Variants in TPST1 observed in about 807,000 individuals in gnomAD.
TPST1 encodes protein-tyrosine sulfotransferase 1.
TPST1 carries 20 observed loss-of-function variants against 34.8 expected under a neutral mutation model. That is an observed-to-expected ratio of 0.57 (90% CI 0.40 to 0.84). The LOEUF (loss-of-function observed/expected upper bound fraction) is 0.84. Ranked by LOEUF, TPST1 falls within the 40% of genes least tolerant of loss-of-function variation. The pLI, the probability that TPST1 is intolerant of heterozygous loss-of-function variation, is 0.00. For synonymous variants in TPST1, 152 were observed against 159.4 expected (o/e 0.95, Z 0.35); for missense variants, 353 against 455.5 (o/e 0.78, Z 2.05).
At chr7:66,336,033 A>G (rs1026180619) in intron 3 of TPST1, among the ~76,000 whole-genome samples, 2 of 152,216 alleles carry the variant, frequency 1.3e-5, no homozygotes, top group African/African-American at 4.8e-5. Flanking sequence ...TGAATCTGCC[A>G]GGCATGGTGG....
chr7:66,213,637 C>T (rs1789313557), intron 1 of TPST1, among the ~76,000 whole-genome samples: 1 of 152,024 alleles, frequency 6.6e-6, no homozygotes, highest in Non-Finnish European at 1.5e-5. Context: ...TGCCTGTAGT[C>T]CCAGCTACTT....
At chr7:66,284,551 CTTT>C (rs5884585) in intron 2 of TPST1, among the ~76,000 whole-genome samples, 18 of 77,048 alleles carry the variant, frequency 2.3e-4, no homozygotes, top group South Asian at 4.3e-4. Flanking sequence ...ACTGTCTTAG[CTTT>C]TTTTTTTTTT....
intron 3 of TPST1, among the ~76,000 whole-genome samples, chr7:66,329,355 C>T (rs984831587): frequency 3.3e-5 from 5 of 152,040 alleles, no homozygotes; most frequent in Non-Finnish European, 7.4e-5. Flanking sequence ...TACCTATATA[C>T]CCTAACAGAG....
At chr7:66,320,451 G>C (rs1199643321) in intron 3 of TPST1, among the ~76,000 whole-genome samples, 1 of 151,410 alleles carries the variant, frequency 6.6e-6, no homozygotes, top group Admixed American at 6.6e-5. Context: ...GTTTCACCAT[G>C]TTAGCCAGGA....
intron 3 of TPST1, among the ~76,000 whole-genome samples, chr7:66,307,942 G>T (rs1237269552): frequency 6.6e-6 from 1 of 152,202 alleles, no homozygotes; most frequent in African/African-American, 2.4e-5. Flanking sequence ...ACTTTGTCCT[G>T]TTTGAGAATA....
intron 2 of TPST1, among the ~76,000 whole-genome samples, chr7:66,267,979 G>T (rs186344378): frequency 6.7e-6 from 1 of 149,598 alleles, no homozygotes; most frequent in South Asian, 2.1e-4. Context: ...TTTTGACAGG[G>T]TTTCCATCTA....
chr7:66,296,587 T>A (rs1310894610), intron 3 of TPST1, among the ~76,000 whole-genome samples: 1 of 151,884 alleles, frequency 6.6e-6, no homozygotes, highest in African/African-American at 2.4e-5. Flanking sequence ...GAAGGTGTTT[T>A]CCTTAGTTAT....
intron 3 of TPST1, among the ~76,000 whole-genome samples, chr7:66,320,656 T>C (rs905156523): frequency 5.9e-5 from 9 of 152,040 alleles, no homozygotes; most frequent in African/African-American, 1.9e-4. Flanking sequence ...TGGAGTGCAA[T>C]GGAGTGATCT....
At position 66,259,225 on chromosome 7, in the gene TPST1, T is replaced by C. The variant is rs571544823; in HGVS notation, c.845+17955T>C. ...ATAATTTTAGTTTCTTTAGACAACA[T>C]AGGGCTATTTAAATTGTTTCTTAAG... On this transcript the variant is annotated intron_variant, in intron 2 of 5. Coordinates refer to ENST00000304842, the MANE Select transcript of TPST1 (RefSeq NM_003596.4). Among the ~76,000 whole-genome samples the C allele has an allele frequency of 3.9e-5, 6 of 152,320 alleles. No homozygotes were observed. The East Asian group carries it at 1.2e-3, about 29-fold the overall frequency.
chr7:66,346,588 ATT>A (rs1425195703), intron 3 of TPST1, among the ~76,000 whole-genome samples: 1 of 152,182 alleles, frequency 6.6e-6, no homozygotes, highest in East Asian at 1.9e-4. Flanking sequence ...ATGACGTAAT[ATT>A]GAGTACCTTT....
intron 2 of TPST1, among the ~76,000 whole-genome samples, chr7:66,258,052 G>A (rs1256037868): frequency 2.0e-5 from 3 of 152,100 alleles, no homozygotes; most frequent in Non-Finnish European, 4.4e-5. Context: ...TTTGGCTTTG[G>A]TATGCTAATT....
At chr7:66,218,642 A>G (rs777009243) in intron 1 of TPST1, among the ~76,000 whole-genome samples, 9 of 152,060 alleles carry the variant, frequency 5.9e-5, no homozygotes, top group Non-Finnish European at 1.3e-4. Context: ...TCAGGATATC[A>G]AGACCATTCT....
chr7:66,278,627 A>T (rs1361007039), intron 2 of TPST1, among the ~76,000 whole-genome samples: 1 of 152,060 alleles, frequency 6.6e-6, no homozygotes, highest in Admixed American at 6.6e-5. Context: ...TACTAAATAT[A>T]CAAAAAAGTA....
chr7:66,220,933 G>T (rs1443681488), intron 1 of TPST1, among the ~76,000 whole-genome samples: 6 of 152,146 alleles, frequency 3.9e-5, no homozygotes, highest in Non-Finnish European at 8.8e-5. Flanking sequence ...AGGAGTTTGA[G>T]ACCAGACTGG....
rs1790017080 is a variant in TPST1 at position 66,240,829 on chromosome 7, A to C, written c.404A>C (p.Asp135Ala). Residue 135 changes from aspartate (D) to alanine (A), a missense_variant, in exon 2 of 6, where the codon GAT becomes GCT. Physicochemically the swap from Asp to Ala is moderately radical, Grantham distance 126. Transcript: ENST00000304842. Reference protein sequence around the residue: ...DEAGVTDEVLDSAMQAFLLEI... With the variant: ...DEAGVTDEVLASAMQAFLLEI... ...GCTGGTGTTACTGATGAAGTGCTGG[A>C]TTCTGCCATGCAAGCCTTCTTACTA... 6.2e-7 allele frequency: 1 copy of C among 1,614,058 alleles called. No homozygotes were observed. Among genetic ancestry groups the C allele is most frequent in the African/African-American group, 1.3e-5 (1 of 74,918 alleles).
At chr7:66,240,224 G>A in intron 1 of TPST1, 101 bp from the exon 2 acceptor site, 1 of 668,802 alleles carries the variant, frequency 1.5e-6, no homozygotes, top group Non-Finnish European at 2.4e-6. Context: ...ATCCAAGACT[G>A]TTTCAGCTTC....
chr7:66,205,075 T>A (rs1789093594), upstream of TPST1: 1 of 152,150 alleles, frequency 6.6e-6, no homozygotes. The surrounding 1 kb of genome is among the most constrained non-coding windows in gnomAD (Gnocchi z 5.0). Flanking sequence ...CGGCCAGGCC[T>A]GCGGCTGCCG....
In TPST1 at chr7:66,240,846, T is replaced by G. The variant is rs745458397; in HGVS notation, c.421T>G (p.Phe141Val). The change falls in exon 2 of 6, where the codon TTC becomes GTC. Residue 141 changes from phenylalanine to valine, a missense_variant. By Grantham distance (50) the Phe-to-Val change is conservative (BLOSUM62 -1). Transcript: ENST00000304842. ...DEVLDSAMQA[F>V]LLEIIVKHGE... ...AGTGCTGGATTCTGCCATGCAAGCC[T>G]TCTTACTAGAAATTATCGTTAAGCA... 1 of 1,614,210 alleles carries G rather than the reference T, an allele frequency of 6.2e-7. No homozygotes were observed. The highest frequency in any genetic ancestry group is 2.2e-5 in the East Asian group (1 of 44,888).
chr7:66,238,456 T>G (rs892919559), intron 1 of TPST1, among the ~76,000 whole-genome samples: 1 of 150,428 alleles, frequency 6.6e-6, no homozygotes, highest in Non-Finnish European at 1.5e-5. Context: ...AACCACTCAG[T>G]CAGTACTGAA....
Sources: allele counts gnomAD v4.1 joint callset (sites outside exome capture counted in the v4.1 genomes callset), GRCh38; gene constraint gnomAD v4.1.1; non-coding constraint Gnocchi (gnomAD v3.1); transcripts MANE v1.5; gene names NCBI Gene and HGNC (gene_info 2026-07-23, HGNC 2026-07-21).